Variants in FOXP1 observed in about 807,000 individuals in gnomAD.
FOXP1 encodes forkhead box P1.
In FOXP1, 15 loss-of-function variants were observed where a neutral mutation model predicts 98.2. That is an observed-to-expected ratio of 0.15 (90% CI 0.10 to 0.24). The LOEUF (loss-of-function observed/expected upper bound fraction) is 0.24, where lower values mean the gene tolerates loss of function less well. Ranked by LOEUF, FOXP1 falls within the 10% of genes least tolerant of loss-of-function variation. FOXP1 has a pLI of 1.00. For synonymous variants in FOXP1, 371 were observed against 314.5 expected (o/e 1.18, Z -1.90); for missense variants, 633 against 848.5 (o/e 0.75, Z 3.15).
At chr3:71,375,206 A>G (rs966619029) in intron 3 of FOXP1, among the ~76,000 whole-genome samples, 4 of 152,218 alleles carry the variant, frequency 2.6e-5, no homozygotes, top group African/African-American at 9.6e-5. Context: ...AAAAAACAGA[A>G]AAGAGCTTCT....
At chr3:71,271,946 T>C (rs750618751) in intron 5 of FOXP1, among the ~76,000 whole-genome samples, 19 of 152,342 alleles carry the variant, frequency 1.2e-4, no homozygotes, top group Non-Finnish European at 2.6e-4. Flanking sequence ...TGTAAAATAT[T>C]GGCAGGGGCG....
intron 3 of FOXP1, among the ~76,000 whole-genome samples, chr3:71,388,048 C>T (rs1379025804): frequency 6.6e-6 from 1 of 152,214 alleles, no homozygotes; most frequent in African/African-American, 2.4e-5. Context: ...TAAAAATTCT[C>T]TGCTGTAATA....
chr3:71,028,598 T>C lies in FOXP1; in HGVS notation c.869+12730A>G, dbSNP rs185185545. On this transcript the variant is annotated intron_variant, in intron 11 of 20. Transcript: ENST00000649528. ...TTACAGAAGTGCTCGCCAACCTTTT[T>C]GGCACCAGGGACTGGTTTCATGGAA... 1.1e-3 allele frequency among the ~76,000 whole-genome samples: 170 copies of C among 152,336 alleles called. 1 individual carries two copies. Among genetic ancestry groups the C allele is most frequent in the African/African-American group, 3.4e-3 (140 of 41,584 alleles).
rs2107748401 is a variant in FOXP1 at position 71,112,581 on chromosome 3, A to G, written c.237T>C (p.Ser79=). The change falls in exon 7 of 21, where the codon AGT becomes AGC. Residue 79 remains serine (S), a synonymous_variant. Transcript: ENST00000649528. ...CATTCCTCTTGGGAGATTTTAATCC[A>G]CTAACTTGCTGCTGCTGTTGCTGCT... ...LLQQQQQQQV[S]GLKSPKRNDK... is the part of the protein sequence containing the mutation. 1 of 1,614,134 alleles carries G rather than the reference A, an allele frequency of 6.2e-7. No individual in the cohort carries two copies. Among genetic ancestry groups the G allele is most frequent in the South Asian group, 1.1e-5 (1 of 91,088 alleles).
chr3:71,034,193 C>T lies in FOXP1; in HGVS notation c.869+7135G>A, dbSNP rs1040693635. Among the ~76,000 whole-genome samples, 3 of 152,286 alleles carry T rather than the reference C, an allele frequency of 2.0e-5. No homozygotes were observed. The East Asian group carries it at 5.8e-4, about 29-fold the overall frequency. On this transcript the variant is annotated intron_variant, in intron 11 of 20. Coordinates refer to ENST00000649528, the MANE Select transcript of FOXP1 (RefSeq NM_001349338.3). ...ACGGGGATTTTCCTGGGGGCTTCTT[C>T]TAAATTACTGCTGAAAAGATAGGTC...
chr3:71,151,722 G>A lies in FOXP1; in HGVS notation c.181-39085C>T, dbSNP rs555088739. ...ATTATTTTTTGGTCATACCTTGCAC[G>A]GAAAATCTGCCAATAGCATTTGACA... On this transcript the variant is annotated intron_variant, in intron 6 of 20. Coordinates refer to ENST00000649528, the MANE Select transcript of FOXP1 (RefSeq NM_001349338.3). Among the ~76,000 whole-genome samples the A allele has an allele frequency of 8.8e-5, 13 of 147,144 alleles. No homozygotes were observed. The South Asian group carries it at 1.5e-3, about 17-fold the overall frequency.
chr3:71,276,722 G>A (rs980449667), intron 5 of FOXP1, among the ~76,000 whole-genome samples: 1 of 152,152 alleles, frequency 6.6e-6, no homozygotes, highest in African/African-American at 2.4e-5. Flanking sequence ...GGGCACATCT[G>A]TCATCTCAAA....
intron 2 of FOXP1, among the ~76,000 whole-genome samples, chr3:71,525,673 C>T (rs1043805004): frequency 1.3e-5 from 2 of 152,032 alleles, no homozygotes; most frequent in Non-Finnish European, 2.9e-5. Context: ...TTGCTGAGGC[C>T]TTTATATTTA....
intron 11 of FOXP1, among the ~76,000 whole-genome samples, chr3:71,031,608 G>T (rs6549371): frequency 2.6e-5 from 4 of 152,024 alleles, no homozygotes; most frequent in African/African-American, 9.7e-5. Context: ...AGATTTCTGA[G>T]GCGGATAATG....
intron 6 of FOXP1, among the ~76,000 whole-genome samples, chr3:71,179,110 T>C (rs978513788): frequency 4.0e-5 from 6 of 151,030 alleles, no homozygotes; most frequent in South Asian, 2.1e-4. Context: ...TATTTTACCA[T>C]GTTGGAAGTT....
At chr3:71,335,730 C>T (rs949166635) in intron 4 of FOXP1, among the ~76,000 whole-genome samples, 2 of 151,956 alleles carry the variant, frequency 1.3e-5, no homozygotes, top group African/African-American at 4.8e-5. Flanking sequence ...GGTGGCCAGG[C>T]GTGGTGGCTC....
At chr3:71,172,973 C>T (rs1215239363) in intron 6 of FOXP1, among the ~76,000 whole-genome samples, 1 of 152,110 alleles carries the variant, frequency 6.6e-6, no homozygotes, top group Non-Finnish European at 1.5e-5. Flanking sequence ...AAGTCGTATC[C>T]AGAGGCTCAA....
chr3:71,326,542 C>A (rs1219575601), intron 4 of FOXP1, among the ~76,000 whole-genome samples: 1 of 152,124 alleles, frequency 6.6e-6, no homozygotes, highest in Non-Finnish European at 1.5e-5. Context: ...GCAATAGATT[C>A]TTCAAGAGAT....
At chr3:71,543,147 G>A (rs910071802) in intron 2 of FOXP1, among the ~76,000 whole-genome samples, 9 of 152,234 alleles carry the variant, frequency 5.9e-5, no homozygotes, top group Admixed American at 2.0e-4. Context: ...CCAAGTGGGC[G>A]GCATGCGAAT....
intron 3 of FOXP1, among the ~76,000 whole-genome samples, chr3:71,474,441 G>C (rs115026726): frequency 6.6e-6 from 1 of 152,090 alleles, no homozygotes; most frequent in African/African-American, 2.4e-5. Context: ...CCCAGTCCCC[G>C]GGCCACAGAC....
At chr3:71,002,701 G>T (rs553848515) in intron 12 of FOXP1, among the ~76,000 whole-genome samples, 1 of 152,246 alleles carries the variant, frequency 6.6e-6, no homozygotes, top group Non-Finnish European at 1.5e-5. Flanking sequence ...TTGCAAAAGA[G>T]CCCACGATCC....
chr3:71,072,504 C>G (rs2053371759), intron 7 of FOXP1, among the ~76,000 whole-genome samples: 1 of 152,214 alleles, frequency 6.6e-6, no homozygotes, highest in South Asian at 2.1e-4. Flanking sequence ...TTCTCTAGGT[C>G]ATAAGCCCTA....
At chr3:71,434,355 C>T (rs758133880) in intron 3 of FOXP1, among the ~76,000 whole-genome samples, 1 of 152,170 alleles carries the variant, frequency 6.6e-6, no homozygotes, top group East Asian at 1.9e-4. Context: ...TGGGAGTCCA[C>T]CTGCAGGCTG....
rs200064354 is a variant in FOXP1 at position 71,575,113 on chromosome 3, G to A, written c.-298+6436C>T. The stretch of plus-strand genomic sequence containing the variant: ...CCCCACCCCAGATACGGCACATCCA[G>A]GAGTCGTGCAACTGTGTCTGTGTTG... On this transcript the variant is annotated intron_variant, in intron 2 of 20. Coordinates refer to ENST00000649528, the MANE Select transcript of FOXP1 (RefSeq NM_001349338.3). 3.9e-5 allele frequency among the ~76,000 whole-genome samples: 6 copies of A among 152,300 alleles called. No homozygotes were observed. The East Asian group carries it at 7.7e-4, about 20-fold the overall frequency.
Sources: allele counts gnomAD v4.1 joint callset (sites outside exome capture counted in the v4.1 genomes callset), GRCh38; gene constraint gnomAD v4.1.1; transcripts MANE v1.5; gene names NCBI Gene and HGNC (gene_info 2026-07-23, HGNC 2026-07-21).